The following NPC1L1 variants were observed in gnomAD, a reference collection of about 807,000 sequenced individuals.
NPC1L1 encodes the protein NPC1-like intracellular cholesterol transporter 1.
In NPC1L1, 98 loss-of-function variants were observed where a neutral mutation model predicts 117.0. The observed-to-expected ratio is 0.84, with a 90% CI of 0.71 to 0.99. The LOEUF is 0.99. Ranked by LOEUF, NPC1L1 falls within the 50% of genes least tolerant of loss-of-function variation. NPC1L1 has a pLI of 0.00. For missense variants in NPC1L1, 1,540 were observed against 1,710.0 expected (o/e 0.90, Z 1.75); for synonymous variants, 729 against 727.6 (o/e 1.00, Z -0.03).
At chr7:44,525,895 A>G (rs217414) in intron 10 of NPC1L1, among the ~76,000 whole-genome samples, 28,616 of 152,120 alleles carry the variant, frequency 0.19, 2,996 homozygotes, top group Non-Finnish European at 0.23. Flanking sequence ...GCTGGGCATG[A>G]TGGCTCATGC....
intron 10 of NPC1L1, among the ~76,000 whole-genome samples, chr7:44,522,548 C>A (rs893488941): frequency 3.3e-5 from 5 of 152,310 alleles, no homozygotes; most frequent in Non-Finnish European, 7.4e-5. Context: ...AGAGGTCACA[C>A]ACAAGGTACA....
Position 44,539,271 on chromosome 7 carries a change from T to C in NPC1L1, c.1126A>G (p.Thr376Ala), listed in dbSNP as rs549357298. 1.2e-6 allele frequency: 2 copies of C among 1,613,876 alleles called. No homozygotes were observed. Among genetic ancestry groups the C allele is most frequent in the Middle Eastern group, 1.6e-4 (1 of 6,084 alleles). ...GACCACAGCTCCACGGGGTCCGTAG[T>C]GAGTTCTGTAAAGACCAGGCCCGCT... is the stretch of plus-strand genomic sequence containing the variant. ...LAAGLVFTEL[T>A]TDPVELWSAP... The change falls in exon 2 of 19, where the codon ACT (threonine) becomes GCT (alanine). Residue 376 changes from threonine (T) to alanine (A), a missense_variant. Thr to Ala is a moderately conservative substitution (Grantham distance 58). Around this residue, in one of 3 missense-constraint regions of NPC1L1, gnomAD observed 793 missense variants for 820.4 expected, o/e 0.97. Transcript: ENST00000381160. This position sits in a 1 kb window ranked among gnomAD's most constrained non-coding sequence, Gnocchi z 4.4.
At chr7:44,531,997 C>A in intron 9 of NPC1L1, 83 bp downstream of exon 9, 2 of 1,603,370 alleles carry the variant, frequency 1.2e-6, no homozygotes, top group South Asian at 2.2e-5. Context: ...GCCTAGGCAA[C>A]CTCCCCACCT....
chr7:44,513,014 G>C lies in NPC1L1; in HGVS notation c.*433C>G, dbSNP rs1801083832. On this transcript the variant is annotated 3_prime_UTR_variant, in exon 19 of 19. Transcript: ENST00000381160. ...TGGCCTCCTGTGATATCACACCCAG[G>C]GTAGTGGTCATTGTCTGTGTTCTCA... 1 of 265,394 alleles carries C rather than the reference G, an allele frequency of 3.8e-6. No homozygotes were observed. Among genetic ancestry groups the C allele is most frequent in the Non-Finnish European group, 7.5e-6 (1 of 133,442 alleles). The allele number at this position is 265,394 out of a possible 1,614,324, so 16.4% of individuals were successfully genotyped here.
In NPC1L1 at chr7:44,517,261, G is replaced by T. The variant is rs1428359724; in HGVS notation, c.3233C>A (p.Ala1078Asp). The T allele has an allele frequency of 6.2e-7, 1 of 1,613,964 alleles. No individual in the cohort carries two copies. Among genetic ancestry groups the T allele is most frequent in the Admixed American group, 1.7e-5 (1 of 59,994 alleles). The change falls in exon 15 of 19, where the codon GCT becomes GAT. Residue 1078 changes from alanine to aspartate, a missense_variant. Ala to Asp is a moderately radical substitution (Grantham distance 126). This residue lies in a region of NPC1L1 where 742 missense variants were observed against 873.6 expected (regional missense o/e 0.85). Coordinates refer to ENST00000381160, the MANE Select transcript of NPC1L1 (RefSeq NM_001101648.2). Reference protein sequence around the residue: ...AARELAANITADLRKVPGTDP... With the variant: ...AARELAANITDDLRKVPGTDP... ...TGTTCCAGGCACTTTCCGCAGGTCA[G>T]CAGTGATGTTGGCTGCCAGCTCTCG...
In NPC1L1 at chr7:44,539,159, G is replaced by C; in HGVS notation, c.1238C>G (p.Thr413Arg). ...PFFRTNQVILTAPNRSSYRYD... is the reference protein window; with the variant it reads ...PFFRTNQVILRAPNRSSYRYD... ...CCTGTAGCTGGACCGGTTAGGAGCC[G>C]TCAGGATCACCTGGTTGGTTCGGAA... Residue 413 changes from threonine (T) to arginine (R), a missense_variant, in exon 2 of 19, where the codon ACG (threonine) becomes AGG (arginine). Physicochemically the swap from Thr to Arg is moderately conservative, Grantham distance 71. Coordinates refer to ENST00000381160, the MANE Select transcript of NPC1L1 (RefSeq NM_001101648.2). This position sits in a 1 kb window ranked among gnomAD's most constrained non-coding sequence, Gnocchi z 4.4. The C allele has an allele frequency of 6.2e-7, 1 of 1,614,088 alleles. No homozygotes were observed. The highest frequency in any genetic ancestry group is 8.5e-7 in the Non-Finnish European group (1 of 1,180,044).
intron 8 of NPC1L1, among the ~76,000 whole-genome samples, chr7:44,532,913 G>C (rs969929863): frequency 1.3e-5 from 2 of 152,172 alleles, no homozygotes; most frequent in African/African-American, 4.8e-5. Context: ...AGACCAACCT[G>C]ACCAACATGG....
chr7:44,533,233 T>C, intron 8 of NPC1L1, 198 bp downstream of exon 8: 2 of 585,762 alleles, frequency 3.4e-6, no homozygotes, highest in Non-Finnish European at 3.0e-6. Context: ...TTGATTATAT[T>C]TAAAAAATTG....
intron 14 of NPC1L1, among the ~76,000 whole-genome samples, chr7:44,520,405 T>TA: frequency 6.6e-6 from 1 of 152,374 alleles, no homozygotes. Context: ...CTTGTTACTT[T>TA]AAATGACTGC....
chr7:44,515,811 C>A lies in NPC1L1; in HGVS notation c.3788G>T (p.Ser1263Ile). 6.2e-7 allele frequency: 1 copy of A among 1,614,136 alleles called. No individual in the cohort carries two copies. Among genetic ancestry groups the A allele is most frequent in the Non-Finnish European group, 8.5e-7 (1 of 1,180,030 alleles). ...HGLVFLPVIL[S>I]YVGPDVNPAL... The stretch of plus-strand genomic sequence containing the variant: ...CAGGCCTGGGCACTCACCCACGTAG[C>A]TGAGGATGACGGGCAGGAAGACCAA... The change falls in exon 18 of 19, where the codon AGC becomes ATC. Residue 1263 changes from serine (S) to isoleucine (I), a missense_variant. Coordinates refer to ENST00000381160, the MANE Select transcript of NPC1L1 (RefSeq NM_001101648.2).
At chr7:44,513,719 C>T (rs1801108841) in intron 18 of NPC1L1, 70 bp from the exon 19 acceptor site, 2 of 1,549,134 alleles carry the variant, frequency 1.3e-6, no homozygotes, top group South Asian at 2.2e-5. Context: ...ATTCCTGGTT[C>T]TGTACAACAA....
chr7:44,535,781 A>G (rs1801865076), intron 5 of NPC1L1, 59 bp downstream of exon 5: 2 of 1,609,882 alleles, frequency 1.2e-6, no homozygotes, highest in Non-Finnish European at 1.7e-6. Flanking sequence ...TAGAAGGCCT[A>G]CTGAAGATGC....
Position 44,531,766 on chromosome 7 carries a change from C to T in NPC1L1, c.2626G>A (p.Ala876Thr). The T allele has an allele frequency of 6.3e-7, 1 of 1,576,652 alleles. No homozygotes were observed. Among genetic ancestry groups the T allele is most frequent in the East Asian group, 2.3e-5 (1 of 43,352 alleles). Reference sequence around the variant, plus strand: ...GGGCCTGGGCTCACCTTGGGCAGGGCCAGCTCCTGGTCCAGTCCCACGCTG... The same window carrying T: ...GGGCCTGGGCTCACCTTGGGCAGGGTCAGCTCCTGGTCCAGTCCCACGCTG... ...HISVGLDQEL[A>T]LPKDSYLLDY... The change falls in exon 10 of 19, where the codon GCC becomes ACC. Residue 876 changes from alanine to threonine, a missense_variant. Ala to Thr is a moderately conservative substitution (Grantham distance 58). Coordinates refer to ENST00000381160, the MANE Select transcript of NPC1L1 (RefSeq NM_001101648.2).
chr7:44,540,559 T>C (rs1802067887), intron 1 of NPC1L1, among the ~76,000 whole-genome samples: 1 of 152,024 alleles, frequency 6.6e-6, no homozygotes. Context: ...CTGATAGACC[T>C]GCAGCTTAGG....
chr7:44,522,669 C>T (rs1309961335), intron 10 of NPC1L1, among the ~76,000 whole-genome samples: 1 of 151,726 alleles, frequency 6.6e-6, no homozygotes, highest in Non-Finnish European at 1.5e-5. Context: ...GATGAACATA[C>T]TCCAAGGTTC....
rs770902496 is a variant in NPC1L1, at chr7:44,534,603, G to A, written c.2010C>T (p.Leu670=). 9.3e-6 allele frequency: 15 copies of A among 1,614,020 alleles called. No homozygotes were observed. Among genetic ancestry groups the A allele is most frequent in the Admixed American group, 5.0e-5 (3 of 60,016 alleles). Reference sequence around the variant, plus strand: ...CTCCCAGGACCACGGCCACCCCGCCGAGGCCCAGCGTGGCCTTGGAGTCCA... The same window carrying A: ...CTCCCAGGACCACGGCCACCCCGCCAAGGCCCAGCGTGGCCTTGGAGTCCA... ...VMVDSKATLG[L]GGVAVVLGAV... Residue 670 remains leucine (L), a synonymous_variant, in exon 6 of 19, where the codon CTC becomes CTT. Transcript: ENST00000381160. The surrounding 1 kb of genome is among the most constrained non-coding windows in gnomAD (Gnocchi z 5.2).
chr7:44,539,127 A>G lies in NPC1L1; in HGVS notation c.1270T>C (p.Ser424Pro), dbSNP rs1484405729. 6.2e-7 allele frequency: 1 copy of G among 1,614,110 alleles called. No homozygotes were observed. The highest frequency in any genetic ancestry group is 1.3e-5 in the African/African-American group (1 of 75,018). Reference sequence around the variant, plus strand: ...AAGTTCTTGGGCCCCAGCAGCAGAGAGTCATACCTGTAGCTGGACCGGTTA... The same window carrying G: ...AAGTTCTTGGGCCCCAGCAGCAGAGGGTCATACCTGTAGCTGGACCGGTTA... ...APNRSSYRYDSLLLGPKNFSG... is the reference protein window; with the variant it reads ...APNRSSYRYDPLLLGPKNFSG... Residue 424 changes from serine (S) to proline (P), a missense_variant, in exon 2 of 19, where the codon TCT becomes CCT. By Grantham distance (74) the Ser-to-Pro change is moderately conservative. Around this residue, in one of 3 missense-constraint regions of NPC1L1, gnomAD observed 793 missense variants for 820.4 expected, o/e 0.97. Coordinates refer to ENST00000381160, the MANE Select transcript of NPC1L1 (RefSeq NM_001101648.2). This position sits in a 1 kb window ranked among gnomAD's most constrained non-coding sequence, Gnocchi z 4.4.
rs1486376347 is a variant in NPC1L1 at position 44,518,484 on chromosome 7, C to G, written c.3137-1127G>C. On this transcript the variant is annotated intron_variant, in intron 14 of 18. Coordinates refer to ENST00000381160, the MANE Select transcript of NPC1L1 (RefSeq NM_001101648.2). ...CGCACCTGGCCCAAAAAGGTTGTTT[C>G]TTGGCGACACTCTGCCTCTATTAAT... 1.7e-5 allele frequency: 4 copies of G among 232,204 alleles called. No individual in the cohort carries two copies. The East Asian group carries it at 4.5e-4, about 26-fold the overall frequency. The allele number at this position is 232,204 out of a possible 1,614,324, so 14.4% of individuals were successfully genotyped here.
chr7:44,531,624 C>G, intron 10 of NPC1L1, 131 bp downstream of exon 10: 1 of 761,136 alleles, frequency 1.3e-6, no homozygotes, highest in South Asian at 1.6e-5. Flanking sequence ...GGAGGTGCCT[C>G]CAGAGTAATG....
Sources: gnomAD v4.1 joint callset for allele counts (sites outside exome capture counted in the v4.1 genomes callset) on GRCh38, gnomAD v4.1.1 for gene constraint, gnomAD v4.1.1 regional missense constraint, Gnocchi (gnomAD v3.1) non-coding constraint, MANE v1.5 for transcripts, NCBI Gene and HGNC (gene_info 2026-07-23, HGNC 2026-07-21) for gene names.